Variants in SH3GL2 observed in about 807,000 individuals in gnomAD.
The protein encoded by SH3GL2 is SH3 domain containing GRB2 like 2, endophilin A1.
SH3GL2 carries 24 observed loss-of-function variants against 46.0 expected under a neutral mutation model. The observed-to-expected ratio is 0.52, with a 90% CI of 0.38 to 0.73. The LOEUF (loss-of-function observed/expected upper bound fraction) is 0.73, where lower values mean the gene tolerates loss of function less well. Among genes scored for constraint, SH3GL2 ranks in the 30% least tolerant of loss-of-function variants. SH3GL2 has a pLI of 0.00. For synonymous variants in SH3GL2, 196 were observed against 147.1 expected, an observed-to-expected ratio of 1.33 and a Z score of -2.40; for missense variants, 413 against 424.2, an observed-to-expected ratio of 0.97 and a Z score of 0.23.
intron 1 of SH3GL2, among the ~76,000 whole-genome samples, chr9:17,742,566 C>A (rs527941828): frequency 6.6e-6 from 1 of 152,088 alleles, no homozygotes; most frequent in Non-Finnish European, 1.5e-5. Flanking sequence ...GTCTTATTTG[C>A]CTTGATTTAT....
chr9:17,698,389 A>G (rs1821261322), intron 1 of SH3GL2, among the ~76,000 whole-genome samples: 1 of 152,210 alleles, frequency 6.6e-6, no homozygotes, highest in African/African-American at 2.4e-5. Context: ...ATTACATAAC[A>G]GAGATAGAGT....
At chr9:17,732,821 A>C (rs1822219664) in intron 1 of SH3GL2, among the ~76,000 whole-genome samples, 2 of 152,112 alleles carry the variant, frequency 1.3e-5, no homozygotes, top group African/African-American at 2.4e-5. Context: ...TGAGAAGCAA[A>C]TTTTAAAAAA....
intron 1 of SH3GL2, among the ~76,000 whole-genome samples, chr9:17,641,949 T>C (rs1173630739): frequency 6.6e-6 from 1 of 152,188 alleles, no homozygotes; most frequent in Admixed American, 6.5e-5. Flanking sequence ...CCTTTGGGTA[T>C]ATACCCACTA....
chr9:17,697,911 A>G (rs1778921908), intron 1 of SH3GL2, among the ~76,000 whole-genome samples: 1 of 152,200 alleles, frequency 6.6e-6, no homozygotes, highest in South Asian at 2.1e-4. Flanking sequence ...TTAGTAAATC[A>G]GACTGGCATT....
intron 1 of SH3GL2, among the ~76,000 whole-genome samples, chr9:17,642,328 T>C (rs1464982569): frequency 6.6e-6 from 1 of 152,212 alleles, no homozygotes; most frequent in Admixed American, 6.5e-5. Context: ...ACTCTGATGA[T>C]AGTTTCTTTT....
chr9:17,753,375 T>G (rs980139536), intron 2 of SH3GL2, among the ~76,000 whole-genome samples: 1 of 152,056 alleles, frequency 6.6e-6, no homozygotes, highest in Non-Finnish European at 1.5e-5. Flanking sequence ...CATCTGTTGT[T>G]TTTTGACTTT....
chr9:17,790,888 G>A (rs1000605649), intron 6 of SH3GL2, among the ~76,000 whole-genome samples: 2 of 152,106 alleles, frequency 1.3e-5, no homozygotes, highest in Admixed American at 6.5e-5. Context: ...TTTGGCCAGT[G>A]TACCTTCTTT....
chr9:17,586,638 C>T (rs73418621), intron 1 of SH3GL2, among the ~76,000 whole-genome samples: 1 of 152,068 alleles, frequency 6.6e-6, no homozygotes, highest in Non-Finnish European at 1.5e-5. Flanking sequence ...CAAAAATGTC[C>T]TTCACATGAC....
chr9:17,749,141 A>C (rs966280416), intron 2 of SH3GL2, among the ~76,000 whole-genome samples: 6 of 152,174 alleles, frequency 3.9e-5, no homozygotes, highest in Non-Finnish European at 7.3e-5. Flanking sequence ...ACTTCCTCCA[A>C]CTGGACCAAA....
At chr9:17,795,495 A>C in intron 8 of SH3GL2, 49 bp from the exon 9 acceptor site, 1 of 1,476,368 alleles carries the variant, frequency 6.8e-7, no homozygotes, top group South Asian at 1.2e-5. Context: ...TGAGTTAAAT[A>C]CCCCTTATCC....
chr9:17,696,867 A>C (rs7867119), intron 1 of SH3GL2, among the ~76,000 whole-genome samples: 3,375 of 152,286 alleles, frequency 0.022, 94 homozygotes, highest in African/African-American at 0.065. Flanking sequence ...ATTGCTCTCC[A>C]CATGCATAGC....
chr9:17,698,227 G>A (rs1235430535), intron 1 of SH3GL2, among the ~76,000 whole-genome samples: 2 of 152,148 alleles, frequency 1.3e-5, no homozygotes, highest in Non-Finnish European at 2.9e-5. Flanking sequence ...ACATCTTAAG[G>A]CCTCCAGGCT....
At chr9:17,788,904 C>T (rs201024667) in intron 5 of SH3GL2, among the ~76,000 whole-genome samples, 1 of 150,614 alleles carries the variant, frequency 6.6e-6, no homozygotes, top group Admixed American at 6.6e-5. Context: ...GAGCAACTTA[C>T]GTGATTCTAA....
At chr9:17,667,908 T>A (rs1371779207) in intron 1 of SH3GL2, among the ~76,000 whole-genome samples, 2 of 152,208 alleles carry the variant, frequency 1.3e-5, no homozygotes, top group African/African-American at 4.8e-5. Flanking sequence ...AGACTAAGGA[T>A]GTTGAGCATC....
At chr9:17,715,367 T>A (rs2118301887) in intron 1 of SH3GL2, among the ~76,000 whole-genome samples, 1 of 152,008 alleles carries the variant, frequency 6.6e-6, no homozygotes, top group South Asian at 2.1e-4. Context: ...TTTACTGAAG[T>A]TTGGACATTT....
chr9:17,771,770 C>T (rs1823487453), intron 3 of SH3GL2, among the ~76,000 whole-genome samples: 1 of 152,064 alleles, frequency 6.6e-6, no homozygotes. Context: ...TCTTAATATC[C>T]CTCCCTGCTG....
In SH3GL2 at chr9:17,796,369, A is replaced by T. The variant is rs1276790400; in HGVS notation, c.*626A>T. On this transcript the variant is annotated 3_prime_UTR_variant, in exon 9 of 9. Transcript: ENST00000380607. ...TAGCCAGTTTTCTTCCCTCCTTGCT[A>T]TTAAAGCCAGAGCGGTAATTCCAAA... 6.6e-6 allele frequency: 1 copy of T among 152,564 alleles called. No homozygotes were observed. The highest frequency in any genetic ancestry group is 2.4e-5 in the African/African-American group (1 of 41,444). 9.5% of individuals were successfully genotyped at this position (152,564 alleles called of 1,614,324 possible).
chr9:17,590,836 A>C (rs1818468937), intron 1 of SH3GL2: 1 of 152,224 alleles, frequency 6.6e-6, no homozygotes, highest in South Asian at 2.1e-4. Flanking sequence ...ACCACGAATC[A>C]CTGCAACCTC....
Position 17,579,230 on chromosome 9 carries a change from G to C in SH3GL2, c.-13G>C, listed in dbSNP as rs1474819757. 4.5e-6 allele frequency: 7 copies of C among 1,547,112 alleles called. No homozygotes were observed. Among genetic ancestry groups the C allele is most frequent in the Middle Eastern group, 3.4e-4 (2 of 5,866 alleles). On this transcript the variant is annotated 5_prime_UTR_variant, in exon 1 of 9. Coordinates refer to ENST00000380607, the MANE Select transcript of SH3GL2 (RefSeq NM_003026.5). ...CCTCCCGCACAGCAGCCGCCAGCGC[G>C]GCCTCCTGCACCATGTCGGTGGCCG... is the stretch of plus-strand genomic sequence containing the variant.
Sources: allele counts gnomAD v4.1 joint callset (sites outside exome capture counted in the v4.1 genomes callset), GRCh38; gene constraint gnomAD v4.1.1; transcripts MANE v1.5; gene names NCBI Gene and HGNC (gene_info 2026-07-23, HGNC 2026-07-21).